The following MCF2L variants were observed in gnomAD, a reference collection of about 807,000 sequenced individuals.
MCF2L encodes the protein guanine nucleotide exchange factor DBS.
A neutral mutation model predicts 153.4 loss-of-function variants in MCF2L; 97 were observed. The observed-to-expected ratio is 0.63, with a 90% confidence interval of 0.54 to 0.75. The LOEUF (loss-of-function observed/expected upper bound fraction) is 0.75, where lower values mean the gene tolerates loss of function less well. MCF2L is among the 30% of genes least tolerant of loss of function. MCF2L has a pLI of 0.00. For missense variants in MCF2L, 1,347 were observed against 1,495.2 expected (o/e 0.90, Z 1.64); for synonymous variants, 659 against 632.2 (o/e 1.04, Z -0.64).
intron 2 of MCF2L, among the ~76,000 whole-genome samples, chr13:112,934,030 T>G (rs943024381): frequency 4.6e-5 from 7 of 152,280 alleles, no homozygotes; most frequent in Admixed American, 2.0e-4. Context: ...TCCAGCCTTT[T>G]GCCCATTCAT....
chr13:113,074,911 C>A lies in MCF2L; in HGVS notation c.1117-87C>A. On this transcript the variant is annotated intron_variant, in intron 10 of 29. Transcript: ENST00000535094. This position sits in a 1 kb window ranked among gnomAD's most constrained non-coding sequence, Gnocchi z 4.2. ...ACAAAGAAATCAAGACACACGTGTGCCCCGGGACACACATCCCGTACAGCA... is the reference window on the plus strand; with the variant it reads ...ACAAAGAAATCAAGACACACGTGTGACCCGGGACACACATCCCGTACAGCA... 2 of 1,179,460 alleles carry A rather than the reference C, an allele frequency of 1.7e-6. No individual in the cohort carries two copies. The highest frequency in any genetic ancestry group is 2.4e-6 in the Non-Finnish European group (2 of 832,200). The allele number at this position is 1,179,460 out of a possible 1,614,324, so 73.1% of individuals were successfully genotyped here. A position where few individuals can be genotyped will look rare whatever the true frequency, so the allele number is the denominator to read the frequency against.
chr13:113,039,514 T>A (rs936803880), intron 3 of MCF2L, among the ~76,000 whole-genome samples: 2 of 152,108 alleles, frequency 1.3e-5, no homozygotes, highest in Non-Finnish European at 1.5e-5. Context: ...AAATGAACCA[T>A]GAAGAGATCG....
At chr13:113,047,032 G>C (rs904706347) in intron 4 of MCF2L, 1 of 161,156 alleles carries the variant, frequency 6.2e-6, no homozygotes, top group African/African-American at 2.4e-5. Flanking sequence ...GCTGCCAGTC[G>C]TGGTGGAAGG....
rs2031986212 is a variant in MCF2L at position 113,064,101 on chromosome 13, AGAG to A, written c.490-198_490-196del. Among the ~76,000 whole-genome samples the A allele has an allele frequency of 6.6e-6, 1 of 152,198 alleles. No individual in the cohort carries two copies. The highest frequency in any genetic ancestry group is 1.5e-5 in the Non-Finnish European group (1 of 68,032). ...GCCATAACACACACACGCCACCACG[AGAG>A]GAGGTGTCGGCGGGGCGCTGAGCTG... is the stretch of plus-strand genomic sequence containing the variant. On this transcript the variant is annotated intron_variant, in intron 5 of 29. Coordinates refer to ENST00000535094, the MANE Select transcript of MCF2L (RefSeq NM_001112732.3). The surrounding 1 kb of genome is among the most constrained non-coding windows in gnomAD (Gnocchi z 6.0).
intron 1 of MCF2L, among the ~76,000 whole-genome samples, chr13:112,988,425 G>A (rs2082737475): frequency 6.6e-6 from 1 of 152,220 alleles, no homozygotes; most frequent in African/African-American, 2.4e-5. Flanking sequence ...GCTGGTGCCT[G>A]TGGGTGCACG....
intron 1 of MCF2L, among the ~76,000 whole-genome samples, chr13:112,971,453 A>G (rs1310166771): frequency 6.6e-6 from 1 of 152,168 alleles, no homozygotes; most frequent in Non-Finnish European, 1.5e-5. Flanking sequence ...GGGCTAGGTC[A>G]CAGCTGAGGG....
chr13:113,078,875 C>T, intron 15 of MCF2L, 136 bp downstream of exon 15: 2 of 824,106 alleles, frequency 2.4e-6, no homozygotes, highest in East Asian at 2.7e-5. Context: ...TACTTTTGCA[C>T]CAACCGATAC....
intron 25 of MCF2L, among the ~76,000 whole-genome samples, chr13:113,088,888 C>G (rs899283276): frequency 4.6e-5 from 7 of 152,226 alleles, no homozygotes; most frequent in African/African-American, 9.7e-5. Context: ...CATGGCCTGT[C>G]CAGATCACAG....
intron 1 of MCF2L, among the ~76,000 whole-genome samples, chr13:113,008,186 G>C (rs2317138): frequency 6.6e-6 from 1 of 152,128 alleles, no homozygotes; most frequent in Non-Finnish European, 1.5e-5. Context: ...CAAAGTGTTG[G>C]CATTTATAGG....
intron 2 of MCF2L, 37 bp from the exon 3 acceptor site, chr13:113,024,607 G>A: frequency 7.0e-7 from 1 of 1,432,304 alleles, no homozygotes; most frequent in Non-Finnish European, 9.8e-7. Context: ...GGGGCATGGA[G>A]CCCTCGGCTA....
intron 2 of MCF2L, among the ~76,000 whole-genome samples, chr13:112,927,215 C>T (rs973635467): frequency 2.6e-5 from 4 of 152,334 alleles, no homozygotes; most frequent in African/African-American, 7.2e-5. Flanking sequence ...GTCATAGACA[C>T]GTTTGCCCTT....
chr13:113,087,536 G>T, intron 22 of MCF2L, 80 bp downstream of exon 22: 1 of 1,276,154 alleles, frequency 7.8e-7, no homozygotes. Context: ...GTCTGAGGTG[G>T]CCACGCTGAC....
At chr13:112,999,786 G>A (rs930530712) in intron 1 of MCF2L, among the ~76,000 whole-genome samples, 5 of 152,244 alleles carry the variant, frequency 3.3e-5, no homozygotes, top group African/African-American at 1.2e-4. Context: ...GTGTGGCACC[G>A]TGATCTGCTC....
At chr13:112,936,382 C>T (rs925859880) in intron 2 of MCF2L, among the ~76,000 whole-genome samples, 1 of 151,992 alleles carries the variant, frequency 6.6e-6, no homozygotes, top group African/African-American at 2.4e-5. Context: ...ATTTTTATGC[C>T]ACCCAATCTA....
At chr13:112,898,073 C>A (rs538921885) in intron 1 of MCF2L, among the ~76,000 whole-genome samples, 57 of 152,346 alleles carry the variant, frequency 3.7e-4, no homozygotes, top group South Asian at 1.2e-3. Flanking sequence ...AGGGCCGCCG[C>A]CCCCACCTCT....
At chr13:113,059,629 C>G (rs983475938) in intron 4 of MCF2L, among the ~76,000 whole-genome samples, 1 of 152,166 alleles carries the variant, frequency 6.6e-6, no homozygotes, top group Admixed American at 6.5e-5. Flanking sequence ...TGAGCGCTTC[C>G]TTGGTGCAGG....
chr13:113,087,809 C>T lies in MCF2L; in HGVS notation c.2688+10C>T, dbSNP rs1005974271. 6.2e-7 allele frequency: 1 copy of T among 1,610,206 alleles called. No individual in the cohort carries two copies. Among genetic ancestry groups the T allele is most frequent in the Admixed American group, 1.7e-5 (1 of 60,008 alleles). On this transcript the variant is annotated intron_variant, in intron 23 of 29. Coordinates refer to ENST00000535094, the MANE Select transcript of MCF2L (RefSeq NM_001112732.3). ...GGTCTACATCGTCCAGGTGGGCCACCCACCCTACCCCTGGCCTCTTACACA... is the reference window on the plus strand; with the variant it reads ...GGTCTACATCGTCCAGGTGGGCCACTCACCCTACCCCTGGCCTCTTACACA...
intron 2 of MCF2L, among the ~76,000 whole-genome samples, chr13:112,922,264 G>A (rs1020384241): frequency 9.2e-5 from 14 of 152,202 alleles, no homozygotes; most frequent in African/African-American, 3.1e-4. Flanking sequence ...AATAAATGGG[G>A]AAAGGAAAGA....
In MCF2L at chr13:113,075,068, T is replaced by C. The variant is rs770255718; in HGVS notation, c.1187T>C (p.Val396Ala). Residue 396 changes from valine (V) to alanine (A), a missense_variant, in exon 11 of 30, where the codon GTA becomes GCA. This residue lies in a region of MCF2L where 820 missense variants were observed against 921.2 expected (regional missense o/e 0.89). Transcript: ENST00000535094. ...EQLIGNKHYA[V>A]DSIRPKCQEL... ...CTCATTGGGAACAAGCACTACGCGGTAGACTCCATCCGCCCAAAGTGCCAG... is the reference window on the plus strand; with the variant it reads ...CTCATTGGGAACAAGCACTACGCGGCAGACTCCATCCGCCCAAAGTGCCAG... 1 of 1,613,848 alleles carries C rather than the reference T, an allele frequency of 6.2e-7. No homozygotes were observed. The highest frequency in any genetic ancestry group is 1.1e-5 in the South Asian group (1 of 91,080).
Sources: gnomAD v4.1 joint callset for allele counts (sites outside exome capture counted in the v4.1 genomes callset) on GRCh38, gnomAD v4.1.1 for gene constraint, gnomAD v4.1.1 regional missense constraint, Gnocchi (gnomAD v3.1) non-coding constraint, MANE v1.5 for transcripts, NCBI Gene and HGNC (gene_info 2026-07-23, HGNC 2026-07-21) for gene names.